LRRC7: variants seen among roughly 807,000 people sequenced by gnomAD.
The protein encoded by LRRC7 is leucine-rich repeat-containing protein 7.
LRRC7 carries 23 observed loss-of-function variants against 175.7 expected under a neutral mutation model. The ratio of observed to expected loss-of-function variants is 0.13; its 90% CI spans 0.09 to 0.19. LRRC7 has a LOEUF of 0.19. Among genes scored for constraint, LRRC7 ranks in the 10% least tolerant of loss-of-function variants. The pLI, the probability that LRRC7 is intolerant of heterozygous loss-of-function variation, is 1.00. For synonymous variants in LRRC7, 685 were observed against 680.9 expected, an observed-to-expected ratio of 1.01 and a Z score of -0.09; for missense variants, 1,354 against 1,904.7, an observed-to-expected ratio of 0.71 and a Z score of 5.38.
At chr1:69,644,869 A>G (rs932340500) in intron 1 of LRRC7, among the ~76,000 whole-genome samples, 1 of 152,028 alleles carries the variant, frequency 6.6e-6, no homozygotes, top group Non-Finnish European at 1.5e-5. Context: ...ATAAAGGAGA[A>G]AAACCTTGTG....
At chr1:69,569,406 C>G (rs1227359014) in intron 1 of LRRC7, among the ~76,000 whole-genome samples, 1 of 152,004 alleles carries the variant, frequency 6.6e-6, no homozygotes, top group Non-Finnish European at 1.5e-5. Flanking sequence ...GCGCTGGGTC[C>G]CCTTGAGGAT....
chr1:70,065,405 T>C (rs1363565137), intron 23 of LRRC7, among the ~76,000 whole-genome samples: 1 of 151,964 alleles, frequency 6.6e-6, no homozygotes, highest in Non-Finnish European at 1.5e-5. Flanking sequence ...AAATTAACCA[T>C]GATTATGATG....
At position 69,834,792 on chromosome 1, in the gene LRRC7, C is replaced by T. The variant is rs761582745; in HGVS notation, c.513C>T (p.Gly171=). 9 of 1,613,054 alleles carry T rather than the reference C, an allele frequency of 5.6e-6. No homozygotes were observed. The highest frequency in any genetic ancestry group is 7.6e-6 in the Non-Finnish European group (9 of 1,179,284). Residue 171 remains glycine, a synonymous_variant, in exon 6 of 27, where the codon GGC becomes GGT. Transcript: ENST00000651989. ...AACTCCTTTTTAGACTACCTGATGG[C>T]TTCACACAGCTCCTAAACCTGACCC... The part of the protein sequence containing the change: ...SVNPISKLPD[G]FTQLLNLTQL...
intron 4 of LRRC7, among the ~76,000 whole-genome samples, chr1:69,821,276 C>T (rs2101210082): frequency 6.6e-6 from 1 of 152,264 alleles, no homozygotes; most frequent in Non-Finnish European, 1.5e-5. Flanking sequence ...CCTTTTCATT[C>T]TGTCTTCATT....
At chr1:69,977,944 T>A (rs1302022300) in intron 8 of LRRC7, among the ~76,000 whole-genome samples, 1 of 152,220 alleles carries the variant, frequency 6.6e-6, no homozygotes, top group East Asian at 1.9e-4. Flanking sequence ...TCAGTCTCTG[T>A]CTTATTGTAT....
intron 3 of LRRC7, among the ~76,000 whole-genome samples, chr1:69,780,630 T>C (rs1013506694): frequency 7.1e-6 from 1 of 140,660 alleles, no homozygotes; most frequent in African/African-American, 2.6e-5. Flanking sequence ...TTACTTAGAG[T>C]TGGCTCTTTT....
At chr1:69,693,517 A>G (rs1475401097) in intron 2 of LRRC7, among the ~76,000 whole-genome samples, 3 of 152,218 alleles carry the variant, frequency 2.0e-5, no homozygotes, top group African/African-American at 7.2e-5. Flanking sequence ...GCTATGTGCT[A>G]GCAGAAATAC....
chr1:69,973,477 G>A (rs1652480398), intron 8 of LRRC7, among the ~76,000 whole-genome samples: 1 of 152,056 alleles, frequency 6.6e-6, no homozygotes, highest in African/African-American at 2.4e-5. Context: ...ACAAAGTAAT[G>A]GAGCAGCCTA....
In LRRC7 at chr1:69,674,681, T is replaced by C. The variant is rs1416687165; in HGVS notation, c.3-3700T>C. On this transcript the variant is annotated intron_variant, in intron 1 of 26. Transcript: ENST00000651989. ...TCATTAGTAATCCCTTAAATCTTAT[T>C]GATAAAAAATGAAGTATATTTAATT... is the stretch of plus-strand genomic sequence containing the variant. Among the ~76,000 whole-genome samples, 10 of 152,118 alleles carry C rather than the reference T, an allele frequency of 6.6e-5. 1 individual carries two copies. The highest frequency in any genetic ancestry group is 6.6e-4 in the Admixed American group (10 of 15,262).
intron 11 of LRRC7, among the ~76,000 whole-genome samples, chr1:70,004,838 A>C (rs1342719566): frequency 6.6e-6 from 1 of 151,194 alleles, no homozygotes; most frequent in Non-Finnish European, 1.5e-5. Flanking sequence ...CTACTTCTCT[A>C]CTAAATCTTT....
chr1:69,902,504 G>A (rs1646163400), intron 7 of LRRC7, among the ~76,000 whole-genome samples: 1 of 152,162 alleles, frequency 6.6e-6, no homozygotes, highest in African/African-American at 2.4e-5. Flanking sequence ...CCAGGAGGTG[G>A]AGGTTGCAGT....
At chr1:69,964,956 T>C (rs1651513520) in intron 8 of LRRC7, among the ~76,000 whole-genome samples, 1 of 152,194 alleles carries the variant, frequency 6.6e-6, no homozygotes, top group Admixed American at 6.5e-5. Context: ...AACAAAATAT[T>C]ATAGCTCATA....
intron 1 of LRRC7, among the ~76,000 whole-genome samples, chr1:69,666,343 T>G (rs965594246): frequency 9.2e-5 from 14 of 152,138 alleles, no homozygotes; most frequent in African/African-American, 3.4e-4. Context: ...TGAATGAGTC[T>G]GAAAGTATTC....
At chr1:70,028,104 G>A (rs1658318981) in intron 17 of LRRC7, 67 bp from the exon 18 acceptor site, 12 of 1,309,666 alleles carry the variant, frequency 9.2e-6, no homozygotes, top group Non-Finnish European at 1.3e-5. Context: ...AATATAAAAT[G>A]GGATAGTTTT....
At chr1:70,016,643 A>T in intron 14 of LRRC7, 109 bp downstream of exon 14, 1 of 802,480 alleles carries the variant, frequency 1.2e-6, no homozygotes, top group South Asian at 2.8e-5. Context: ...CAAAATGTAG[A>T]TTGTTTTTAT....
chr1:69,869,905 T>C (rs1685346175), intron 7 of LRRC7, among the ~76,000 whole-genome samples: 1 of 152,196 alleles, frequency 6.6e-6, no homozygotes, highest in Non-Finnish European at 1.5e-5. Flanking sequence ...ATGTGTATGA[T>C]ATTTCATTTT....
chr1:69,700,972 C>T (rs1663275493), intron 2 of LRRC7, among the ~76,000 whole-genome samples: 1 of 152,158 alleles, frequency 6.6e-6, no homozygotes, highest in African/African-American at 2.4e-5. Context: ...TGTCCTGCGC[C>T]CCCTTGTGAC....
intron 8 of LRRC7, among the ~76,000 whole-genome samples, chr1:69,958,646 C>A (rs1650736776): frequency 1.3e-5 from 2 of 151,940 alleles, no homozygotes; most frequent in Non-Finnish European, 2.9e-5. Flanking sequence ...ATTTAGATCT[C>A]AGATGGACAG....
chr1:69,702,647 T>G (rs1026294496), intron 2 of LRRC7, among the ~76,000 whole-genome samples: 1 of 152,144 alleles, frequency 6.6e-6, no homozygotes, highest in African/African-American at 2.4e-5. Context: ...TCAGCAACTT[T>G]TAAGAGCCAC....
Sources: allele counts gnomAD v4.1 joint callset (sites outside exome capture counted in the v4.1 genomes callset), GRCh38; gene constraint gnomAD v4.1.1; transcripts MANE v1.5; gene names NCBI Gene and HGNC (gene_info 2026-07-23, HGNC 2026-07-21).